GPC5: variants seen among roughly 807,000 people sequenced by gnomAD.
GPC5 encodes the protein glypican-5.
GPC5 carries 47 observed loss-of-function variants against 53.9 expected under a neutral mutation model. The ratio of observed to expected loss-of-function variants is 0.87; its 90% CI spans 0.69 to 1.11. The LOEUF (loss-of-function observed/expected upper bound fraction) is 1.11. Among genes scored for constraint, GPC5 ranks in the 50% most tolerant of loss-of-function variants. The pLI is 0.00. For missense variants in GPC5, 748 were observed against 713.1 expected (o/e 1.05, Z -0.56); for synonymous variants, 286 against 263.3 (o/e 1.09, Z -0.84).
intron 7 of GPC5, among the ~76,000 whole-genome samples, chr13:92,306,963 T>C (rs2043115178): frequency 6.6e-6 from 1 of 152,182 alleles, no homozygotes; most frequent in Non-Finnish European, 1.5e-5. Context: ...ATTAGCGTCT[T>C]TAATTAATTT....
At chr13:92,169,983 A>G (rs1163749949) in intron 7 of GPC5, among the ~76,000 whole-genome samples, 1 of 152,062 alleles carries the variant, frequency 6.6e-6, no homozygotes, top group African/African-American at 2.4e-5. Flanking sequence ...TCACATTCTT[A>G]TAATCAATAG....
chr13:92,475,757 G>A (rs1431003154), intron 7 of GPC5, among the ~76,000 whole-genome samples: 4 of 152,034 alleles, frequency 2.6e-5, no homozygotes, highest in African/African-American at 9.7e-5. Context: ...TCTGATCTTT[G>A]ACCTGAGAAA....
intron 4 of GPC5, among the ~76,000 whole-genome samples, chr13:91,744,234 G>C (rs1181835507): frequency 1.3e-5 from 2 of 151,984 alleles, no homozygotes; most frequent in Non-Finnish European, 2.9e-5. Flanking sequence ...TTAAGTAAAG[G>C]TAACTATACA....
At chr13:91,600,305 C>CAGAGAGAG (rs67108031) in intron 2 of GPC5, among the ~76,000 whole-genome samples, 2 of 146,550 alleles carry the variant, frequency 1.4e-5, no homozygotes, top group African/African-American at 5.1e-5. Context: ...GTTCATTTTA[C>CAGAGAGAG]AGAGAGAGAG....
intron 7 of GPC5, among the ~76,000 whole-genome samples, chr13:92,175,884 C>T (rs1033124231): frequency 2.0e-5 from 3 of 152,100 alleles, no homozygotes; most frequent in Non-Finnish European, 4.4e-5. Flanking sequence ...GTTTTCAAAC[C>T]TGTCTCCTCA....
intron 7 of GPC5, among the ~76,000 whole-genome samples, chr13:92,266,853 A>G (rs753393930): frequency 9.9e-5 from 15 of 151,724 alleles, no homozygotes; most frequent in African/African-American, 2.7e-4. Flanking sequence ...GTGACCAGAC[A>G]TCTATTTTCA....
intron 7 of GPC5, among the ~76,000 whole-genome samples, chr13:92,578,320 C>T (rs1181732809): frequency 1.3e-5 from 2 of 152,082 alleles, no homozygotes; most frequent in Non-Finnish European, 2.9e-5. Flanking sequence ...TTGAGCATTA[C>T]TACTTTAATT....
At chr13:92,021,752 A>G (rs1399601037) in intron 6 of GPC5, among the ~76,000 whole-genome samples, 3 of 152,208 alleles carry the variant, frequency 2.0e-5, no homozygotes, top group Non-Finnish European at 4.4e-5. Flanking sequence ...TTTAATATTT[A>G]TAGTATAGTT....
chr13:91,410,674 T>G (rs1290950729), intron 1 of GPC5, among the ~76,000 whole-genome samples: 4 of 152,124 alleles, frequency 2.6e-5, no homozygotes, highest in Non-Finnish European at 5.9e-5. Flanking sequence ...ATATCAAAGT[T>G]TCAAATATTT....
At chr13:91,584,184 C>T (rs951299343) in intron 2 of GPC5, among the ~76,000 whole-genome samples, 2 of 152,174 alleles carry the variant, frequency 1.3e-5, no homozygotes, top group African/African-American at 4.8e-5. Flanking sequence ...TCTTGGACTT[C>T]TGGCCTCCAG....
chr13:92,783,538 A>C (rs1876105429), intron 7 of GPC5, among the ~76,000 whole-genome samples: 1 of 152,184 alleles, frequency 6.6e-6, no homozygotes, highest in Non-Finnish European at 1.5e-5. Flanking sequence ...TTCAGGAGCT[A>C]AACCGTAGTG....
intron 5 of GPC5, among the ~76,000 whole-genome samples, chr13:91,795,327 C>T (rs935206259): frequency 4.6e-5 from 7 of 152,076 alleles, no homozygotes; most frequent in Non-Finnish European, 2.9e-5. Flanking sequence ...AAAGTGAAAT[C>T]GCATTAAAGG....
chr13:92,577,418 A>ATGTGTGTGTGTGTGTGTGTG lies in GPC5; in HGVS notation c.1562-288850_1562-288831dup, dbSNP rs56162097. Among the ~76,000 whole-genome samples the ATGTGTGTGTGTGTGTGTGTG allele has an allele frequency of 1.2e-3, 181 of 145,432 alleles. 1 individual carries two copies. The highest frequency in any genetic ancestry group is 6.9e-3 in the Middle Eastern group (2 of 290). On this transcript the variant is annotated intron_variant, in intron 7 of 7. Transcript: ENST00000377067. The stretch of plus-strand genomic sequence containing the variant: ...TGAATGAATGTAAGTATGTATGTAT[A>ATGTGTGTGTGTGTGTGTGTG]TGTGTGTGTGTGTGTGTGTGTGTGT...
At chr13:91,685,041 T>C (rs1426347139) in intron 2 of GPC5, among the ~76,000 whole-genome samples, 3 of 152,202 alleles carry the variant, frequency 2.0e-5, no homozygotes, top group Admixed American at 2.0e-4. Flanking sequence ...ACTTGAATGT[T>C]GCTTCCTCAG....
intron 6 of GPC5, among the ~76,000 whole-genome samples, chr13:92,124,976 A>G (rs2041683170): frequency 5.3e-5 from 8 of 152,162 alleles, no homozygotes; most frequent in Admixed American, 5.2e-4. Context: ...CAACAAAAGT[A>G]ATGCAGCGTT....
chr13:92,579,855 T>C (rs1322321193), intron 7 of GPC5, among the ~76,000 whole-genome samples: 2 of 152,214 alleles, frequency 1.3e-5, no homozygotes, highest in East Asian at 3.8e-4. Flanking sequence ...TCTCTCTTTC[T>C]TTATCATAAG....
At chr13:92,122,437 C>T (rs896777586) in intron 6 of GPC5, among the ~76,000 whole-genome samples, 3 of 151,866 alleles carry the variant, frequency 2.0e-5, no homozygotes, top group African/African-American at 7.3e-5. Context: ...TCCGATTACG[C>T]TTCTGCTTGC....
At chr13:92,243,843 A>G (rs1022295066) in intron 7 of GPC5, among the ~76,000 whole-genome samples, 1 of 152,164 alleles carries the variant, frequency 6.6e-6, no homozygotes, top group Admixed American at 6.5e-5. Context: ...GTACAGCTAA[A>G]GAAGAGATGG....
At chr13:92,730,698 G>C (rs1451930989) in intron 7 of GPC5, among the ~76,000 whole-genome samples, 2 of 151,212 alleles carry the variant, frequency 1.3e-5, no homozygotes, top group Non-Finnish European at 3.0e-5. Flanking sequence ...TCTCTGGAGA[G>C]AGAAGGTGAA....
Sources: allele counts gnomAD v4.1 joint callset (sites outside exome capture counted in the v4.1 genomes callset), GRCh38; gene constraint gnomAD v4.1.1; transcripts MANE v1.5; gene names NCBI Gene and HGNC (gene_info 2026-07-23, HGNC 2026-07-21).